Variants in NSG2 observed in about 807,000 individuals in gnomAD.
The protein encoded by NSG2 is neuronal vesicle trafficking-associated protein 2.
Under a neutral mutation model 16.9 loss-of-function variants are expected in NSG2, and 4 were observed. That is an observed-to-expected ratio of 0.24 (90% CI 0.12 to 0.54). The LOEUF is 0.54. Among genes scored for constraint, NSG2 ranks in the 20% least tolerant of loss-of-function variants. The pLI, the probability that NSG2 is intolerant of heterozygous loss-of-function variation, is 0.95. For synonymous variants in NSG2, 98 were observed against 88.7 expected, an observed-to-expected ratio of 1.11 and a Z score of -0.59; for missense variants, 179 against 221.1, an observed-to-expected ratio of 0.81 and a Z score of 1.21.
chr5:174,080,545 C>CTT (rs1449676709), intron 3 of NSG2, among the ~76,000 whole-genome samples: 6 of 145,674 alleles, frequency 4.1e-5, no homozygotes, highest in Non-Finnish European at 7.5e-5. Flanking sequence ...CTCTCTCTCT[C>CTT]TCTCTTTCTT....
chr5:174,046,997 G>A (rs948823510), intron 2 of NSG2, 113 bp downstream of exon 2: 3 of 1,043,034 alleles, frequency 2.9e-6, no homozygotes, highest in Non-Finnish European at 4.2e-6. Context: ...TGCCAAATGT[G>A]CTCCCTTTCT....
intron 3 of NSG2, among the ~76,000 whole-genome samples, chr5:174,088,743 C>T (rs540377912): frequency 4.6e-5 from 7 of 152,268 alleles, no homozygotes; most frequent in Non-Finnish European, 1.0e-4. Flanking sequence ...ATCCGTGCTT[C>T]AAGGTGGCTA....
intron 3 of NSG2, among the ~76,000 whole-genome samples, chr5:174,073,829 G>A (rs2113446483): frequency 6.6e-6 from 1 of 152,252 alleles, no homozygotes; most frequent in African/African-American, 2.4e-5. Flanking sequence ...AACAAACATT[G>A]TTAAGTAAAT....
intron 2 of NSG2, among the ~76,000 whole-genome samples, chr5:174,049,125 G>A (rs1373930976): frequency 1.3e-5 from 2 of 151,956 alleles, no homozygotes; most frequent in Admixed American, 6.6e-5. Flanking sequence ...GGATCACAAG[G>A]TCAGGAGATC....
At chr5:174,061,676 T>C (rs1760053557) in intron 2 of NSG2, among the ~76,000 whole-genome samples, 1 of 152,214 alleles carries the variant, frequency 6.6e-6, no homozygotes, top group East Asian at 1.9e-4. Context: ...CAATCTTGGC[T>C]CACTGCAACC....
intron 4 of NSG2, among the ~76,000 whole-genome samples, chr5:174,104,966 G>A (rs1760953772): frequency 6.6e-6 from 1 of 152,122 alleles, no homozygotes; most frequent in Non-Finnish European, 1.5e-5. Context: ...ATTAGATAAT[G>A]AACTCTCAAC....
At chr5:174,079,837 A>C (rs1760418822) in intron 3 of NSG2, among the ~76,000 whole-genome samples, 1 of 152,232 alleles carries the variant, frequency 6.6e-6, no homozygotes, top group African/African-American at 2.4e-5. Context: ...CATGGACTCC[A>C]CAAGGCATGA....
chr5:174,091,996 G>C (rs868696093), intron 3 of NSG2, among the ~76,000 whole-genome samples: 25 of 152,134 alleles, frequency 1.6e-4, no homozygotes, highest in African/African-American at 5.8e-4. Flanking sequence ...TGAGTTTCTT[G>C]CCCTCCTTTA....
chr5:174,053,674 T>A (rs1423846381), intron 2 of NSG2, among the ~76,000 whole-genome samples: 2 of 152,176 alleles, frequency 1.3e-5, no homozygotes, highest in East Asian at 3.9e-4. Flanking sequence ...ACATCTCTGA[T>A]TAGGCAGATC....
intron 3 of NSG2, among the ~76,000 whole-genome samples, chr5:174,102,464 A>G (rs1760910125): frequency 6.6e-6 from 1 of 152,298 alleles, no homozygotes; most frequent in South Asian, 2.1e-4. Context: ...CACCAGCTTT[A>G]AAAAATAACA....
chr5:174,078,734 G>C (rs1760390700), intron 3 of NSG2, among the ~76,000 whole-genome samples: 1 of 152,184 alleles, frequency 6.6e-6, no homozygotes. Context: ...GAGGCCCCAA[G>C]AAGCTTGATC....
chr5:174,108,635 C>T lies in NSG2; in HGVS notation c.*1130C>T, dbSNP rs760025327. On this transcript the variant is annotated 3_prime_UTR_variant, in exon 5 of 5. Coordinates refer to ENST00000303177, the MANE Select transcript of NSG2 (RefSeq NM_015980.5). ...GGGACATTTGTCCAAACTCCCCAAC[C>T]GAGTTCTAGAAGCTCCTGACAAGGA... is the stretch of plus-strand genomic sequence containing the variant. 5 of 152,370 alleles carry T rather than the reference C, an allele frequency of 3.3e-5. No individual in the cohort carries two copies. The highest frequency in any genetic ancestry group is 4.8e-5 in the African/African-American group (2 of 41,454). 9.4% of individuals were successfully genotyped at this position (152,370 alleles called of 1,614,324 possible). A position where few individuals can be genotyped will look rare whatever the true frequency, so the allele number is the denominator to read the frequency against.
chr5:174,094,798 C>T (rs961488015), intron 3 of NSG2, among the ~76,000 whole-genome samples: 3 of 152,176 alleles, frequency 2.0e-5, no homozygotes, highest in Non-Finnish European at 4.4e-5. Flanking sequence ...ACAGTTAAGA[C>T]GGGTCCTGAA....
At chr5:174,056,119 A>G (rs754389948) in intron 2 of NSG2, 1 of 152,062 alleles carries the variant, frequency 6.6e-6, no homozygotes, top group Non-Finnish European at 1.5e-5. Context: ...TGGCCTCCCT[A>G]TTGTGTCTTG....
In NSG2 at chr5:174,107,611, G is replaced by GGGGGC. The variant is rs1215427829; in HGVS notation, c.*112_*116dup. 3 of 1,078,836 alleles carry GGGGGC rather than the reference G, an allele frequency of 2.8e-6. No individual in the cohort carries two copies. Among genetic ancestry groups the GGGGGC allele is most frequent in the Non-Finnish European group, 1.4e-6 (1 of 731,562 alleles). 66.8% of individuals were successfully genotyped at this position (1,078,836 alleles called of 1,614,324 possible). On this transcript the variant is annotated 3_prime_UTR_variant, in exon 5 of 5. Transcript: ENST00000303177. The surrounding 1 kb of genome is among the most constrained non-coding windows in gnomAD (Gnocchi z 4.5). ...CACTGTACTCCTGGGATATGGGGGC[G>GGGGGC]GGGGCGGGGCAGGGCAGGGTGGGGG...
At chr5:174,087,816 T>G (rs1363096886) in intron 3 of NSG2, among the ~76,000 whole-genome samples, 1 of 151,504 alleles carries the variant, frequency 6.6e-6, no homozygotes, top group Non-Finnish European at 1.5e-5. Flanking sequence ...TAACAAGAAA[T>G]GAAGTTAAAA....
intron 3 of NSG2, among the ~76,000 whole-genome samples, chr5:174,069,131 G>A (rs1760194446): frequency 6.6e-6 from 1 of 151,936 alleles, no homozygotes; most frequent in African/African-American, 2.4e-5. Flanking sequence ...CTGGTGCTGT[G>A]GAGGGTGCTG....
intron 3 of NSG2, among the ~76,000 whole-genome samples, chr5:174,099,950 C>G (rs922330138): frequency 6.6e-5 from 10 of 152,188 alleles, no homozygotes; most frequent in African/African-American, 2.4e-4. Context: ...TGTGAGGTCT[C>G]AAGAAAGAGC....
chr5:174,065,493 A>C (rs1053318771), intron 3 of NSG2, among the ~76,000 whole-genome samples: 1 of 152,214 alleles, frequency 6.6e-6, no homozygotes, highest in African/African-American at 2.4e-5. Flanking sequence ...CCTTTGAAGG[A>C]CTTCAGGAAG....
Sources: gnomAD v4.1 joint callset for allele counts (sites outside exome capture counted in the v4.1 genomes callset) on GRCh38, gnomAD v4.1.1 for gene constraint, Gnocchi (gnomAD v3.1) non-coding constraint, MANE v1.5 for transcripts, NCBI Gene and HGNC (gene_info 2026-07-23, HGNC 2026-07-21) for gene names.